The following GPR82 variants were observed in gnomAD, a reference collection of about 807,000 sequenced individuals.
GPR82 encodes G protein-coupled receptor 82.
A neutral mutation model predicts 12.9 loss-of-function variants in GPR82; 6 were observed. The observed-to-expected ratio is 0.46, with a 90% confidence interval of 0.25 to 0.92. GPR82 has a LOEUF of 0.92. Ranked by LOEUF, GPR82 falls within the 40% of genes least tolerant of loss-of-function variation. GPR82 has a pLI of 0.16. For synonymous variants in GPR82, 90 were observed against 87.6 expected (o/e 1.03, Z -0.15); for missense variants, 241 against 245.5 (o/e 0.98, Z 0.12).
At position 41,727,183 on chromosome X, in the gene GPR82, T is replaced by C. The variant is rs1569421139; in HGVS notation, c.157T>C (p.Tyr53His). The change falls in exon 3 of 3, where the codon TAC becomes CAC. Residue 53 changes from tyrosine (Y) to histidine (H), a missense_variant. Tyr to His is a moderately conservative substitution (Grantham distance 83, BLOSUM62 2). Transcript: ENST00000302548. ...KIGKKTSTHI[Y>H]LSHLVTANLL... ...AGGTAAAAAAACATCAACGCACATC[T>C]ACCTGTCACACCTTGTGACTGCAAA... 5.0e-6 allele frequency: 6 copies of C among 1,207,017 alleles called. No individual in the cohort carries two copies. Among genetic ancestry groups the C allele is most frequent in the Non-Finnish European group, 5.6e-6 (5 of 891,195 alleles).
chrX:41,725,134 TA>T (rs1303929008), intron 1 of GPR82, among the ~76,000 whole-genome samples: 2 of 111,873 alleles, frequency 1.8e-5, no homozygotes, highest in African/African-American at 6.5e-5. Flanking sequence ...GACTGTTTTC[TA>T]AATAAAAATA....
intron 1 of GPR82, among the ~76,000 whole-genome samples, chrX:41,725,426 AG>A (rs1168161537): frequency 4.5e-5 from 5 of 111,580 alleles, no homozygotes; most frequent in African/African-American, 1.6e-4. Context: ...TGTATGGTAC[AG>A]TTTTTATGTT....
Position 41,729,749 on chromosome X carries a change from C to CAAA in GPR82, c.*1743_*1745dup, listed in dbSNP as rs1162361118. The CAAA allele has an allele frequency of 2.1e-4, 3 of 14,116 alleles. No homozygotes were observed. Among genetic ancestry groups the CAAA allele is most frequent in the Non-Finnish European group, 2.4e-4 (2 of 8,424 alleles). The allele number at this position is 14,116 out of a possible 1,213,427, so 1.2% of individuals were successfully genotyped here. A position where few individuals can be genotyped will look rare whatever the true frequency, so the allele number is the denominator to read the frequency against. ...TGGGCGACAGAGTGAGACTCTGTCT[C>CAAA]AAAAAAAAAAAAAAAAAAAAAAAAA... On this transcript the variant is annotated 3_prime_UTR_variant, in exon 3 of 3. Coordinates refer to ENST00000302548, the MANE Select transcript of GPR82 (RefSeq NM_080817.5).
chrX:41,729,049 T>C lies in GPR82; in HGVS notation c.*1012T>C, dbSNP rs893754698. On this transcript the variant is annotated 3_prime_UTR_variant, in exon 3 of 3. Coordinates refer to ENST00000302548, the MANE Select transcript of GPR82 (RefSeq NM_080817.5). The stretch of plus-strand genomic sequence containing the variant: ...TATTTTCTTCTGTATTCAATATAAA[T>C]AATGTTATTAGTGACAAACAGTACC... 8.1e-6 allele frequency: 1 copy of C among 123,563 alleles called. No homozygotes were observed. Among genetic ancestry groups the C allele is most frequent in the Admixed American group, 9.4e-5 (1 of 10,635 alleles). 10.2% of individuals were successfully genotyped at this position (123,563 alleles called of 1,213,427 possible).
chrX:41,727,213 CT>C lies in GPR82; in HGVS notation c.189del (p.Val64CysfsTer8), dbSNP rs775090649. On this transcript the variant is annotated frameshift_variant, in exon 3 of 3. Transcript: ENST00000302548. LOFTEE classifies it high-confidence loss of function. ...GTCACACCTTGTGACTGCAAACTTA[CT>C]TGTGTGCAGTGCCATGCCTTTCATG... ...YLSHLVTANL[L>X]VCSAMPFMSI... The C allele has an allele frequency of 2.5e-6, 3 of 1,200,701 alleles. No individual in the cohort carries two copies. Among genetic ancestry groups the C allele is most frequent in the Non-Finnish European group, 3.4e-6 (3 of 885,697 alleles).
In GPR82 at chrX:41,728,669, G is replaced by C. The variant is rs956771270; in HGVS notation, c.*632G>C. ...TGAGGCAGGAGAATCGCTTGAGCCCGGGACGGAGGTTGCAGTGAGCGGAGA... is the reference window on the plus strand; with the variant it reads ...TGAGGCAGGAGAATCGCTTGAGCCCCGGACGGAGGTTGCAGTGAGCGGAGA... On this transcript the variant is annotated 3_prime_UTR_variant, in exon 3 of 3. Coordinates refer to ENST00000302548, the MANE Select transcript of GPR82 (RefSeq NM_080817.5). The C allele has an allele frequency of 1.6e-5, 2 of 123,023 alleles. No homozygotes were observed. Among genetic ancestry groups the C allele is most frequent in the Admixed American group, 1.9e-4 (2 of 10,600 alleles). The allele number at this position is 123,023 out of a possible 1,213,427, so 10.1% of individuals were successfully genotyped here.
rs183590686 is a variant in GPR82 at position 41,727,563 on chromosome X, T to C, written c.537T>C (p.Ala179=). ...CCGTATACTACTCAGTCATAGAGGCTACAGAAGGAGAAGAGAGCCTATGCT... is the reference window on the plus strand; with the variant it reads ...CCGTATACTACTCAGTCATAGAGGCCACAGAAGGAGAAGAGAGCCTATGCT... The part of the protein sequence containing the change: ...PVTVYYSVIE[A]TEGEESLCYN... Residue 179 remains alanine, a synonymous_variant, in exon 3 of 3, where the codon GCT becomes GCC. Transcript: ENST00000302548. The C allele has an allele frequency of 1.7e-6, 2 of 1,204,805 alleles. No individual in the cohort carries two copies. Among genetic ancestry groups the C allele is most frequent in the Admixed American group, 4.4e-5 (2 of 45,740 alleles).
Position 41,727,243 on chromosome X carries a change from A to G in GPR82, c.217A>G (p.Ile73Val). 8.3e-7 allele frequency: 1 copy of G among 1,203,755 alleles called. No individual in the cohort carries two copies. The highest frequency in any genetic ancestry group is 1.1e-6 in the Non-Finnish European group (1 of 888,157). The change falls in exon 3 of 3, where the codon ATC becomes GTC. Residue 73 changes from isoleucine (I) to valine (V), a missense_variant. Coordinates refer to ENST00000302548, the MANE Select transcript of GPR82 (RefSeq NM_080817.5). Reference protein sequence around the residue: ...LVCSAMPFMSIYFLKGFQWEY... With the variant: ...LVCSAMPFMSVYFLKGFQWEY... ...GTGCAGTGCCATGCCTTTCATGAGT[A>G]TCTATTTCCTGAAAGGTTTCCAATG...
In GPR82 at chrX:41,728,832, G is replaced by GA. The variant is rs1258168658; in HGVS notation, c.*802dup. On this transcript the variant is annotated 3_prime_UTR_variant, in exon 3 of 3. Transcript: ENST00000302548. Reference sequence around the variant, plus strand: ...TACCTAAATGCATGAATAATACAGTGAAAAAAATCCAAGGTTTTATAAACA... The same window carrying GA: ...TACCTAAATGCATGAATAATACAGTGAAAAAAAATCCAAGGTTTTATAAACA... The GA allele has an allele frequency of 1.6e-5, 2 of 123,382 alleles. No homozygotes were observed. Among genetic ancestry groups the GA allele is most frequent in the South Asian group, 3.7e-4 (1 of 2,712 alleles). The allele number at this position is 123,382 out of a possible 1,213,427, so 10.2% of individuals were successfully genotyped here.
rs2068306862 is a variant in GPR82 at position 41,728,367 on chromosome X, T to C, written c.*330T>C. 6.6e-6 allele frequency: 1 copy of C among 151,990 alleles called. No homozygotes were observed. Among genetic ancestry groups the C allele is most frequent in the African/African-American group, 3.1e-5 (1 of 32,184 alleles). 12.5% of individuals were successfully genotyped at this position (151,990 alleles called of 1,213,427 possible). Reference sequence around the variant, plus strand: ...TTCATGACTAGGATAAAGAAGCAAATGGTTTATGACTTGTCTGCTTTCTGG... The same window carrying C: ...TTCATGACTAGGATAAAGAAGCAAACGGTTTATGACTTGTCTGCTTTCTGG... On this transcript the variant is annotated 3_prime_UTR_variant, in exon 3 of 3. Coordinates refer to ENST00000302548, the MANE Select transcript of GPR82 (RefSeq NM_080817.5).
At position 41,729,981 on chromosome X, in the gene GPR82, TA is replaced by T. The variant is rs1312191972; in HGVS notation, c.*1954del. On this transcript the variant is annotated 3_prime_UTR_variant, in exon 3 of 3. Transcript: ENST00000302548. ...CTGTAATAAGTACATATATTATGAT[TA>T]AAAAAAAAAGCGTGTACTATCTGCC... 26 of 110,830 alleles carry T rather than the reference TA, an allele frequency of 2.3e-4. No individual in the cohort carries two copies. The highest frequency in any genetic ancestry group is 3.3e-4 in the Admixed American group (3 of 9,010). The allele number at this position is 110,830 out of a possible 1,213,427, so 9.1% of individuals were successfully genotyped here. A position where few individuals can be genotyped will look rare whatever the true frequency, so the allele number is the denominator to read the frequency against.
chrX:41,726,591 C>T (rs1221938501), intron 1 of GPR82, among the ~76,000 whole-genome samples, 182 bp from the exon 2 acceptor site: 1 of 112,209 alleles, frequency 8.9e-6, no homozygotes, highest in Non-Finnish European at 1.9e-5. Flanking sequence ...CCGCAAAATA[C>T]TTCTGTAATA....
In GPR82 at chrX:41,726,575, T is replaced by C. The variant is rs931189700; in HGVS notation, c.-105-198T>C. ...TTAAAAACCAGTCAACTCTCTATTA[T>C]TGTGGCCGCAAAATACTTCTGTAAT... On this transcript the variant is annotated intron_variant, in intron 1 of 2. Transcript: ENST00000302548. Among the ~76,000 whole-genome samples the C allele has an allele frequency of 1.1e-4, 12 of 112,363 alleles. No homozygotes were observed. The Admixed American group carries it at 1.1e-3, about 11-fold the overall frequency.
rs767210947 is a variant in GPR82, at chrX:41,727,529, T to C, written c.503T>C (p.Ile168Thr). ...TGGGGAGTTGTACTGGGCATAATCA[T>C]TCCAGTTACCGTATACTACTCAGTC... is the stretch of plus-strand genomic sequence containing the variant. ...YIWGVVLGII[I>T]PVTVYYSVIE... is the part of the protein sequence containing the mutation. The change falls in exon 3 of 3, where the codon ATT becomes ACT. Residue 168 changes from isoleucine (I) to threonine (T), a missense_variant. Physicochemically the swap from Ile to Thr is moderately conservative, Grantham distance 89. Transcript: ENST00000302548. 2 of 1,209,977 alleles carry C rather than the reference T, an allele frequency of 1.7e-6. No homozygotes were observed. The highest frequency in any genetic ancestry group is 2.2e-6 in the Non-Finnish European group (2 of 893,834).
At chrX:41,725,306 C>A (rs2068241099) in intron 1 of GPR82, among the ~76,000 whole-genome samples, 1 of 111,241 alleles carries the variant, frequency 9.0e-6, no homozygotes, top group Non-Finnish European at 1.9e-5. Context: ...AAAAAAACCC[C>A]AATTTCTGTA....
At position 41,727,407 on chromosome X, in the gene GPR82, G is replaced by C; in HGVS notation, c.381G>C (p.Ser127=). 8.3e-7 allele frequency: 1 copy of C among 1,210,852 alleles called. No individual in the cohort carries two copies. The highest frequency in any genetic ancestry group is 1.8e-5 in the South Asian group (1 of 56,984). Residue 127 remains serine (S), a synonymous_variant, in exon 3 of 3, where the codon TCG becomes TCC. Transcript: ENST00000302548. ...RYATLMQKDS[S]QETTSCYEKI... is the part of the protein sequence containing the mutation. ...CTACCTTAATGCAAAAGGATTCCTC[G>C]CAAGAGACTACTTCATGCTATGAGA...
In GPR82 at chrX:41,729,428, A is replaced by G. The variant is rs915135190; in HGVS notation, c.*1391A>G. ...AGTATACTAATTTACTGATGAAAATATTGAAGTGGGCTGGGTGCGGTGGCT... is the reference window on the plus strand; with the variant it reads ...AGTATACTAATTTACTGATGAAAATGTTGAAGTGGGCTGGGTGCGGTGGCT... On this transcript the variant is annotated 3_prime_UTR_variant, in exon 3 of 3. Coordinates refer to ENST00000302548, the MANE Select transcript of GPR82 (RefSeq NM_080817.5). 6 of 121,972 alleles carry G rather than the reference A, an allele frequency of 4.9e-5. No individual in the cohort carries two copies. The highest frequency in any genetic ancestry group is 1.1e-4 in the Non-Finnish European group (6 of 53,036). 10.1% of individuals were successfully genotyped at this position (121,972 alleles called of 1,213,427 possible).
intron 2 of GPR82, 41 bp from the exon 3 acceptor site, chrX:41,726,952 A>T: frequency 1.8e-6 from 1 of 571,223 alleles, no homozygotes; most frequent in Non-Finnish European, 2.7e-6. Flanking sequence ...ATACTGTACC[A>T]AAAATAATTT....
chrX:41,729,325 G>C lies in GPR82; in HGVS notation c.*1288G>C, dbSNP rs192957592. ...GCTGTTACTATTATGAGTAGCTAACGCTTAGTAAGCACTTGCTGTTTGCCA... is the reference window on the plus strand; with the variant it reads ...GCTGTTACTATTATGAGTAGCTAACCCTTAGTAAGCACTTGCTGTTTGCCA... On this transcript the variant is annotated 3_prime_UTR_variant, in exon 3 of 3. Transcript: ENST00000302548. 9.8e-5 allele frequency: 12 copies of C among 122,836 alleles called. No homozygotes were observed. In the East Asian group the frequency reaches 3.4e-3, roughly 34 times the overall value. The allele number at this position is 122,836 out of a possible 1,213,427, so 10.1% of individuals were successfully genotyped here.
Sources: gnomAD v4.1 joint callset for allele counts (sites outside exome capture counted in the v4.1 genomes callset) on GRCh38, gnomAD v4.1.1 for gene constraint, MANE v1.5 for transcripts, NCBI Gene and HGNC (gene_info 2026-07-23, HGNC 2026-07-21) for gene names.